PPP6R2: variants seen among roughly 807,000 people sequenced by gnomAD.
PPP6R2 encodes the protein serine/threonine-protein phosphatase 6 regulatory subunit 2.
In PPP6R2, 62 loss-of-function variants were observed where a neutral mutation model predicts 100.2. The ratio of observed to expected loss-of-function variants is 0.62; its 90% CI spans 0.50 to 0.76. The LOEUF is 0.76. Among genes scored for constraint, PPP6R2 ranks in the 30% least tolerant of loss-of-function variants. PPP6R2 has a pLI of 0.00. For synonymous variants in PPP6R2, 525 were observed against 514.7 expected, an observed-to-expected ratio of 1.02 and a Z score of -0.27; for missense variants, 1,142 against 1,276.3, an observed-to-expected ratio of 0.89 and a Z score of 1.60.
At chr22:50,357,489 GTCTC>G (rs201740118) in intron 1 of PPP6R2, among the ~76,000 whole-genome samples, 9 of 143,640 alleles carry the variant, frequency 6.3e-5, no homozygotes, top group African/African-American at 1.0e-4. Context: ...TTTCCTCCCT[GTCTC>G]TCTCTCTCTC....
intron 22 of PPP6R2, 99 bp from the exon 23 acceptor site, chr22:50,443,767 G>A: frequency 6.9e-7 from 1 of 1,455,990 alleles, no homozygotes; most frequent in Non-Finnish European, 9.2e-7. Context: ...GGTGCTCCCA[G>A]GCCGCCTGGA....
At chr22:50,443,740 T>TGA in intron 22 of PPP6R2, 126 bp from the exon 23 acceptor site, 1 of 1,339,022 alleles carries the variant, frequency 7.5e-7, no homozygotes, top group East Asian at 2.6e-5. Context: ...AGGGCAGGAG[T>TGA]GAGAGGGGCC....
At chr22:50,373,768 C>G (rs577118033) in intron 2 of PPP6R2, among the ~76,000 whole-genome samples, 1 of 151,994 alleles carries the variant, frequency 6.6e-6, no homozygotes, top group Non-Finnish European at 1.5e-5. Context: ...GAGTCTTGCT[C>G]TGTTGCCCAT....
intron 1 of PPP6R2, among the ~76,000 whole-genome samples, chr22:50,369,796 G>A (rs543135252): frequency 5.3e-5 from 8 of 150,092 alleles, no homozygotes; most frequent in South Asian, 4.2e-4. Flanking sequence ...GTGAGCCACC[G>A]CGCCTGACCT....
chr22:50,386,742 G>A (rs574781988), intron 2 of PPP6R2, among the ~76,000 whole-genome samples: 50 of 152,272 alleles, frequency 3.3e-4, no homozygotes, highest in African/African-American at 1.2e-3. Flanking sequence ...AAGAGGTTGA[G>A]GTTCCAGTGT....
intron 4 of PPP6R2, 58 bp from the exon 5 acceptor site, chr22:50,414,494 G>C (rs1261710060): frequency 3.8e-6 from 6 of 1,576,216 alleles, no homozygotes; most frequent in East Asian, 2.3e-5. Flanking sequence ...TTTTGGAGGA[G>C]GTGTCTCAGG....
chr22:50,369,939 A>C (rs1443973100), intron 1 of PPP6R2, among the ~76,000 whole-genome samples: 2 of 144,938 alleles, frequency 1.4e-5, no homozygotes, highest in Non-Finnish European at 3.0e-5. Context: ...AGTAGAGGCA[A>C]GGTCTCGCTG....
At chr22:50,357,118 A>G (rs1393109857) in intron 1 of PPP6R2, among the ~76,000 whole-genome samples, 1 of 152,100 alleles carries the variant, frequency 6.6e-6, no homozygotes, top group Non-Finnish European at 1.5e-5. Context: ...TTGTCTGATG[A>G]ATTATGATGG....
At chr22:50,422,492 G>A (rs2061468629) in intron 9 of PPP6R2, 112 bp downstream of exon 9, 1 of 1,437,200 alleles carries the variant, frequency 7.0e-7, no homozygotes, top group Non-Finnish European at 9.4e-7. Context: ...TGGAGTGAAT[G>A]TGTTCTAAGA....
intron 2 of PPP6R2, among the ~76,000 whole-genome samples, chr22:50,373,402 C>G (rs192627550): frequency 6.6e-6 from 1 of 150,986 alleles, no homozygotes; most frequent in African/African-American, 2.4e-5. Flanking sequence ...CCAGCACGCC[C>G]GGCTAATTTT....
At position 50,412,162 on chromosome 22, in the gene PPP6R2, C is replaced by G. The variant is rs149264839; in HGVS notation, c.415-2390C>G. Among the ~76,000 whole-genome samples, 47 of 152,120 alleles carry G rather than the reference C, an allele frequency of 3.1e-4. No individual in the cohort carries two copies. The East Asian group carries it at 4.8e-3, about 16-fold the overall frequency. The stretch of plus-strand genomic sequence containing the variant: ...ATGTGAATGTGTGAATATGATCCAT[C>G]GATCATTATGGGCTCAAAAAAAATA... On this transcript the variant is annotated intron_variant, in intron 4 of 23. Coordinates refer to ENST00000612753, the MANE Select transcript of PPP6R2 (RefSeq NM_001242898.2).
At chr22:50,391,080 C>T (rs1031415310) in intron 2 of PPP6R2, among the ~76,000 whole-genome samples, 1 of 151,592 alleles carries the variant, frequency 6.6e-6, no homozygotes, top group African/African-American at 2.4e-5. Context: ...GGCCAAGGCG[C>T]TTGAGGCCTA....
intron 4 of PPP6R2, 94 bp downstream of exon 4, chr22:50,406,969 G>A (rs1287718753): frequency 1.3e-5 from 17 of 1,288,778 alleles, no homozygotes; most frequent in South Asian, 1.0e-4. Flanking sequence ...CTCATCCTCC[G>A]GCCGCGGGAA....
upstream of PPP6R2, among the ~76,000 whole-genome samples, chr22:50,342,004 AGAG>A (rs909227713): frequency 2.6e-5 from 4 of 151,018 alleles, no homozygotes; most frequent in African/African-American, 9.7e-5. Flanking sequence ...AAAAAAAAAA[AGAG>A]GAGGAGAGGG....
chr22:50,366,107 G>C (rs2048709946), intron 1 of PPP6R2, among the ~76,000 whole-genome samples: 1 of 152,002 alleles, frequency 6.6e-6, no homozygotes, highest in Non-Finnish European at 1.5e-5. Flanking sequence ...TCAATTACTT[G>C]GAAACAGTTT....
At chr22:50,365,627 T>G (rs2048606854) in intron 1 of PPP6R2, among the ~76,000 whole-genome samples, 1 of 147,522 alleles carries the variant, frequency 6.8e-6, no homozygotes, top group African/African-American at 2.5e-5. Context: ...TGCAGTGAGC[T>G]GAGATCACAC....
chr22:50,330,831 C>T, the PPP6R2 span, among the ~76,000 whole-genome samples: 10 of 151,470 alleles, frequency 6.6e-5, 1 homozygote, highest in Admixed American at 5.3e-4. Flanking sequence ...GGAAGATGGT[C>T]AGTTGCTGGC....
rs758287358 is a variant in PPP6R2, at chr22:50,443,910, C to T, written c.2624C>T (p.Ala875Val). Residue 875 changes from alanine (A) to valine (V), a missense_variant, in exon 23 of 24, where the codon GCG becomes GTG. Physicochemically the swap from Ala to Val is moderately conservative, Grantham distance 64 (BLOSUM62 0). Coordinates refer to ENST00000612753, the MANE Select transcript of PPP6R2 (RefSeq NM_001242898.2). The stretch of plus-strand genomic sequence containing the variant: ...CGGCTGTTAAGCCCTGCCTGCCCCG[C>T]GCCAAAGGAAGTGACTGCTGCCCCA... The part of the protein sequence containing the change: ...DSRLLSPACP[A>V]PKEVTAAPAV... 49 of 1,594,704 alleles carry T rather than the reference C, an allele frequency of 3.1e-5. No individual in the cohort carries two copies. The highest frequency in any genetic ancestry group is 9.1e-5 in the East Asian group (4 of 43,754).
intron 23 of PPP6R2, 39 bp downstream of exon 23, chr22:50,444,156 G>A: frequency 1.2e-6 from 2 of 1,612,088 alleles, no homozygotes; most frequent in Non-Finnish European, 1.7e-6. Context: ...GTGTGGACAG[G>A]GCCCGCAGCC....
Sources: allele counts gnomAD v4.1 joint callset (sites outside exome capture counted in the v4.1 genomes callset), GRCh38; gene constraint gnomAD v4.1.1; transcripts MANE v1.5; gene names NCBI Gene and HGNC (gene_info 2026-07-23, HGNC 2026-07-21).